SV2C: variants seen among roughly 807,000 people sequenced by gnomAD.
SV2C encodes the protein solute carrier family 22 member B3.
In SV2C, 49 loss-of-function variants were observed where a neutral mutation model predicts 79.7. The ratio of observed to expected loss-of-function variants is 0.61; its 90% CI spans 0.49 to 0.78. The LOEUF (loss-of-function observed/expected upper bound fraction) is 0.78. Ranked by LOEUF, SV2C falls within the 30% of genes least tolerant of loss-of-function variation. SV2C has a pLI of 0.00. For synonymous variants in SV2C, 334 were observed against 333.2 expected, an observed-to-expected ratio of 1.00 and a Z score of -0.03; for missense variants, 833 against 912.9, an observed-to-expected ratio of 0.91 and a Z score of 1.13.
At chr5:75,942,020 T>C in the SV2C span, among the ~76,000 whole-genome samples, 1 of 152,204 alleles carries the variant, frequency 6.6e-6, no homozygotes, top group Admixed American at 6.5e-5. Context: ...TTCTACATGG[T>C]TGTCAATCAT....
the SV2C span, among the ~76,000 whole-genome samples, chr5:75,940,769 T>C: frequency 6.6e-6 from 1 of 152,214 alleles, no homozygotes. Context: ...GGAAGGTTAA[T>C]GGTTGGAGGG....
chr5:76,316,433 A>C (rs1354125469), intron 12 of SV2C, among the ~76,000 whole-genome samples: 1 of 152,210 alleles, frequency 6.6e-6, no homozygotes, highest in African/African-American at 2.4e-5. Context: ...CCTAGGCATC[A>C]GTATTGAACA....
chr5:76,275,861 C>T (rs994964553), intron 4 of SV2C, among the ~76,000 whole-genome samples: 3 of 152,192 alleles, frequency 2.0e-5, no homozygotes, highest in Admixed American at 6.5e-5. Flanking sequence ...CTCGGTATGA[C>T]ATTTGAATGT....
At chr5:75,860,901 G>A in the SV2C span, among the ~76,000 whole-genome samples, 2 of 152,134 alleles carry the variant, frequency 1.3e-5, no homozygotes, top group East Asian at 1.9e-4. Context: ...GACTGAAACC[G>A]ACCCCCTACC....
intron 2 of SV2C, among the ~76,000 whole-genome samples, chr5:76,181,858 T>G (rs182658665): frequency 1.3e-5 from 2 of 152,362 alleles, no homozygotes; most frequent in Non-Finnish European, 2.9e-5. Flanking sequence ...CCTCATTGTC[T>G]GTATAAGTAA....
At chr5:76,272,196 G>A (rs1396114722) in intron 4 of SV2C, among the ~76,000 whole-genome samples, 1 of 152,144 alleles carries the variant, frequency 6.6e-6, no homozygotes, top group Non-Finnish European at 1.5e-5. Context: ...AAGAGCACCT[G>A]GGCTGACCTC....
At chr5:75,974,728 G>A in the SV2C span, among the ~76,000 whole-genome samples, 4 of 152,222 alleles carry the variant, frequency 2.6e-5, no homozygotes, top group South Asian at 8.3e-4. Context: ...TAACATCTAA[G>A]TTTTGCATTT....
the SV2C span, among the ~76,000 whole-genome samples, chr5:75,868,729 G>A: frequency 1.3e-5 from 2 of 152,162 alleles, no homozygotes; most frequent in Admixed American, 1.3e-4. Flanking sequence ...GAGTCCCAGG[G>A]CTGGGTGTCA....
chr5:76,199,915 C>A (rs138580104), intron 3 of SV2C, among the ~76,000 whole-genome samples: 18 of 152,360 alleles, frequency 1.2e-4, no homozygotes, highest in Non-Finnish European at 2.4e-4. Context: ...GAAGAAGGAT[C>A]TTTGTACCCA....
intron 2 of SV2C, among the ~76,000 whole-genome samples, chr5:76,180,078 A>G (rs1303625038): frequency 3.3e-5 from 5 of 152,200 alleles, no homozygotes; most frequent in Admixed American, 2.6e-4. Context: ...TGCCATACAC[A>G]ATCATGTTCC....
intron 2 of SV2C, among the ~76,000 whole-genome samples, chr5:76,146,509 C>T (rs1329825580): frequency 6.6e-6 from 1 of 152,054 alleles, no homozygotes. Flanking sequence ...GTGAGGATGA[C>T]CTGAGGTCAC....
intron 2 of SV2C, among the ~76,000 whole-genome samples, chr5:76,132,888 A>G (rs1185650789): frequency 6.6e-6 from 1 of 151,888 alleles, no homozygotes; most frequent in Non-Finnish European, 1.5e-5. Flanking sequence ...ATAATTTTCT[A>G]TAGGTGATTT....
chr5:76,068,258 G>T, the SV2C span, among the ~76,000 whole-genome samples: 4 of 151,828 alleles, frequency 2.6e-5, no homozygotes, highest in Non-Finnish European at 5.9e-5. Flanking sequence ...GTCAGGAGTG[G>T]GTGTGAAATT....
At chr5:75,879,281 A>G in the SV2C span, among the ~76,000 whole-genome samples, 1 of 152,192 alleles carries the variant, frequency 6.6e-6, no homozygotes, top group Non-Finnish European at 1.5e-5. Context: ...ACTGTCCCCT[A>G]AAGTCTCAAC....
chr5:76,307,480 A>G (rs1748238850), intron 12 of SV2C, among the ~76,000 whole-genome samples: 1 of 152,114 alleles, frequency 6.6e-6, no homozygotes, highest in South Asian at 2.1e-4. Context: ...TCAAAGTTCA[A>G]TTTGATTAGG....
At chr5:76,009,627 G>A in the SV2C span, among the ~76,000 whole-genome samples, 1 of 152,160 alleles carries the variant, frequency 6.6e-6, no homozygotes, top group African/African-American at 2.4e-5. Context: ...GGAGCTGGAG[G>A]CCATTTCCTA....
At chr5:75,912,285 G>C in the SV2C span, among the ~76,000 whole-genome samples, 1 of 152,130 alleles carries the variant, frequency 6.6e-6, no homozygotes, top group Non-Finnish European at 1.5e-5. Context: ...CTTAAAGCCA[G>C]AAGAACGCAT....
the SV2C span, among the ~76,000 whole-genome samples, chr5:76,003,621 T>C: frequency 4.6e-5 from 7 of 152,156 alleles, no homozygotes; most frequent in African/African-American, 1.7e-4. Flanking sequence ...CAAAACACTT[T>C]AGGGCTTTAG....
At chr5:76,164,721 A>AGTGTGTGTGTGT (rs10651569) in intron 2 of SV2C, among the ~76,000 whole-genome samples, 6,745 of 141,824 alleles carry the variant, frequency 0.048, 217 homozygotes, top group African/African-American at 0.079. Flanking sequence ...GATGGAACTC[A>AGTGTGTGTGTGT]GTGTGTGTGT....
Sources: gnomAD v4.1 joint callset for allele counts (sites outside exome capture counted in the v4.1 genomes callset) on GRCh38, gnomAD v4.1.1 for gene constraint, MANE v1.5 for transcripts, NCBI Gene and HGNC (gene_info 2026-07-23, HGNC 2026-07-21) for gene names.